LAPTM4B: variants seen among roughly 807,000 people sequenced by gnomAD.
The protein encoded by LAPTM4B is lysosomal protein transmembrane 4 beta, also known as lysosomal-associated transmembrane protein 4B.
LAPTM4B carries 26 observed loss-of-function variants against 28.5 expected under a neutral mutation model. That is an observed-to-expected ratio of 0.91 (90% CI 0.67 to 1.27). LAPTM4B has a LOEUF of 1.27. Among genes scored for constraint, LAPTM4B ranks in the 50% most tolerant of loss-of-function variants. The pLI, the probability that LAPTM4B is intolerant of heterozygous loss-of-function variation, is 0.00. For missense variants in LAPTM4B, 288 were observed against 285.8 expected (o/e 1.01, Z -0.06); for synonymous variants, 109 against 106.4 (o/e 1.02, Z -0.15).
intron 4 of LAPTM4B, among the ~76,000 whole-genome samples, chr8:97,818,253 C>T (rs1310704445): frequency 6.6e-6 from 1 of 152,156 alleles, no homozygotes; most frequent in Non-Finnish European, 1.5e-5. Flanking sequence ...AGGAGCCAAG[C>T]CCATGAGTCA....
At chr8:97,826,435 T>C (rs769503231) in intron 6 of LAPTM4B, among the ~76,000 whole-genome samples, 8 of 152,240 alleles carry the variant, frequency 5.3e-5, no homozygotes, top group Non-Finnish European at 1.0e-4. Flanking sequence ...GAAAGAAATA[T>C]CTATTCAAAA....
chr8:97,826,319 A>C (rs1366672069), intron 6 of LAPTM4B, among the ~76,000 whole-genome samples: 2 of 152,186 alleles, frequency 1.3e-5, no homozygotes, highest in African/African-American at 4.8e-5. Flanking sequence ...CCAGGTGCTG[A>C]GGAGGCTCGT....
intron 4 of LAPTM4B, among the ~76,000 whole-genome samples, chr8:97,817,918 A>AG (rs1447363612): frequency 1.3e-5 from 2 of 151,378 alleles, no homozygotes; most frequent in African/African-American, 4.9e-5. Flanking sequence ...GGCTCAAGTG[A>AG]TCCTTCCACC....
intron 1 of LAPTM4B, chr8:97,788,456 C>T: frequency 5.2e-6 from 1 of 191,842 alleles, no homozygotes; most frequent in Non-Finnish European, 1.1e-5. Flanking sequence ...ACTATGTTGA[C>T]CAGGCTGGTC....
chr8:97,802,882 A>G (rs1279754836), intron 1 of LAPTM4B, among the ~76,000 whole-genome samples: 2 of 152,072 alleles, frequency 1.3e-5, no homozygotes, highest in Admixed American at 1.3e-4. Context: ...CTTTTATTTG[A>G]CAATTTGGAA....
intron 6 of LAPTM4B, among the ~76,000 whole-genome samples, chr8:97,842,604 C>T (rs76746003): frequency 0.17 from 25,750 of 152,000 alleles, 2,259 homozygotes; most frequent in East Asian, 0.23. Flanking sequence ...CTACAAGCTC[C>T]GCCTCTTGGG....
intron 1 of LAPTM4B, chr8:97,788,334 A>T (rs544296604): frequency 5.6e-6 from 2 of 357,478 alleles, no homozygotes; most frequent in Non-Finnish European, 1.1e-5. Context: ...CCAGGAAACA[A>T]TCCTGAAAGT....
Position 97,822,571 on chromosome 8 carries a change from A to T in LAPTM4B, c.508-2487A>T, listed in dbSNP as rs555276102. On this transcript the variant is annotated intron_variant, in intron 5 of 6. Coordinates refer to ENST00000521545, the MANE Select transcript of LAPTM4B (RefSeq NM_018407.6). ...TTATTTATTTATTTATTTATTTATT[A>T]AGGCACAACCATGTTCATCATTACT... Among the ~76,000 whole-genome samples the T allele has an allele frequency of 3.1e-4, 42 of 135,224 alleles. No individual in the cohort carries two copies. In the East Asian group the frequency reaches 6.0e-3, roughly 19 times the overall value. 88.7% of individuals were successfully genotyped at this position (135,224 alleles called of 152,430 possible).
At chr8:97,821,930 AAAAT>A (rs905430309) in intron 5 of LAPTM4B, among the ~76,000 whole-genome samples, 3 of 152,330 alleles carry the variant, frequency 2.0e-5, no homozygotes, top group Non-Finnish European at 4.4e-5. Context: ...AATAAAAACA[AAAAT>A]AAATAAATAA....
Position 97,805,358 on chromosome 8 carries a change from C to G in LAPTM4B, c.105C>G (p.Ile35Met). The G allele has an allele frequency of 7.8e-7, 1 of 1,285,544 alleles. No homozygotes were observed. The highest frequency in any genetic ancestry group is 1.1e-6 in the Non-Finnish European group (1 of 914,448). The allele number at this position is 1,285,544 out of a possible 1,614,324, so 79.6% of individuals were successfully genotyped here. Residue 35 changes from isoleucine to methionine, a missense_variant, in exon 2 of 7, where the codon ATC (isoleucine) becomes ATG (methionine). Transcript: ENST00000521545. The stretch of plus-strand genomic sequence containing the variant: ...TTTTTTTTTTCTTGTTGCAGATCAT[C>G]AATGCTGTGGTACTGTTGATTTTAT... ...TILLGVWYLI[I>M]NAVVLLILLS... is the part of the protein sequence containing the mutation.
At position 97,828,872 on chromosome 8, in the gene LAPTM4B, T is replaced by C. The variant is rs62524129; in HGVS notation, c.603+3719T>C. ...CTAATCCTATAAGCAAGGGAATTCA[T>C]CGAATGACTCTTTTTTGTCTTGTTG... On this transcript the variant is annotated intron_variant, in intron 6 of 6. Transcript: ENST00000521545. 3.7e-3 allele frequency among the ~76,000 whole-genome samples: 559 copies of C among 152,346 alleles called. 1 individual carries two copies. Among genetic ancestry groups the C allele is most frequent in the Middle Eastern group, 0.01 (3 of 294 alleles).
intron 6 of LAPTM4B, among the ~76,000 whole-genome samples, chr8:97,826,573 A>T (rs1021723896): frequency 7.5e-6 from 1 of 133,578 alleles, no homozygotes; most frequent in African/African-American, 2.7e-5. Context: ...AAGTGGTGTG[A>T]TCTCGTCTCA....
At chr8:97,803,985 G>A (rs970829443) in intron 1 of LAPTM4B, among the ~76,000 whole-genome samples, 5 of 152,186 alleles carry the variant, frequency 3.3e-5, no homozygotes, top group African/African-American at 4.8e-5. Flanking sequence ...AGTTAGTGTT[G>A]TTAGTAAGAG....
In LAPTM4B at chr8:97,833,790, C is replaced by G. The variant is rs147505823; in HGVS notation, c.603+8637C>G. On this transcript the variant is annotated intron_variant, in intron 6 of 6. Coordinates refer to ENST00000521545, the MANE Select transcript of LAPTM4B (RefSeq NM_018407.6). ...TTTTGGAAGTCAAGAACCATTGATA[C>G]TTAATACCTAGATTTATTGATCATT... Among the ~76,000 whole-genome samples, 883 of 152,254 alleles carry G rather than the reference C, an allele frequency of 5.8e-3. 10 individuals are homozygous for G. The highest frequency in any genetic ancestry group is 0.02 in the African/African-American group (849 of 41,532).
intron 1 of LAPTM4B, among the ~76,000 whole-genome samples, chr8:97,785,806 CAT>C (rs569716327): frequency 8.1e-4 from 124 of 152,274 alleles, no homozygotes; most frequent in African/African-American, 2.5e-3. Context: ...CAGTTGAAGA[CAT>C]AGCTCAAAAG....
chr8:97,798,047 A>G (rs967614349), intron 1 of LAPTM4B, among the ~76,000 whole-genome samples: 2 of 147,154 alleles, frequency 1.4e-5, no homozygotes, highest in African/African-American at 5.1e-5. Context: ...CCTCTTTTGC[A>G]TTTAGATCAA....
At chr8:97,813,588 C>A (rs759891826) in intron 2 of LAPTM4B, among the ~76,000 whole-genome samples, 1 of 152,244 alleles carries the variant, frequency 6.6e-6, no homozygotes, top group Non-Finnish European at 1.5e-5. Flanking sequence ...CCTACAGAAT[C>A]CCCTGGATCT....
At chr8:97,795,142 CAG>C (rs1253644971) in intron 1 of LAPTM4B, among the ~76,000 whole-genome samples, 3 of 152,216 alleles carry the variant, frequency 2.0e-5, no homozygotes, top group African/African-American at 4.8e-5. Flanking sequence ...CTTTGTCACT[CAG>C]AGTGCAGTGT....
At chr8:97,838,406 G>A (rs1229302185) in intron 6 of LAPTM4B, among the ~76,000 whole-genome samples, 2 of 152,206 alleles carry the variant, frequency 1.3e-5, no homozygotes, top group African/African-American at 4.8e-5. Context: ...TTTCTCCGCA[G>A]ACATGTGGCA....
Sources: gnomAD v4.1 joint callset for allele counts (sites outside exome capture counted in the v4.1 genomes callset) on GRCh38, gnomAD v4.1.1 for gene constraint, MANE v1.5 for transcripts, NCBI Gene and HGNC (gene_info 2026-07-23, HGNC 2026-07-21) for gene names.